Variants in ARMC8 observed in about 807,000 individuals in gnomAD.
ARMC8 encodes armadillo repeat containing 8.
In ARMC8, 20 loss-of-function variants were observed where a neutral mutation model predicts 99.3. The ratio of observed to expected loss-of-function variants is 0.20; its 90% CI spans 0.14 to 0.29. The LOEUF is 0.29. ARMC8 is among the 10% of genes least tolerant of loss of function. The probability of loss-of-function intolerance (pLI) is 1.00; values close to 1 mark genes in which losing one functional copy is unlikely to be tolerated. For synonymous variants in ARMC8, 263 were observed against 278.3 expected (o/e 0.95, Z 0.55); for missense variants, 569 against 809.5 (o/e 0.70, Z 3.60).
chr3:138,256,402 C>CTTTTTTTTTTTTTTTTTTTT (rs71146121), intron 12 of ARMC8, among the ~76,000 whole-genome samples: 4 of 90,302 alleles, frequency 4.4e-5, no homozygotes, highest in African/African-American at 1.8e-4. Context: ...TTTCCTCCTT[C>CTTTTTTTTTTTTTTTTTTTT]TTTTTTTTTT....
intron 21 of ARMC8, among the ~76,000 whole-genome samples, chr3:138,292,599 A>G (rs2051070657): frequency 6.6e-6 from 1 of 152,204 alleles, no homozygotes; most frequent in South Asian, 2.1e-4. Flanking sequence ...AGCCTGAGCA[A>G]CTGGACAGAG....
intron 21 of ARMC8, among the ~76,000 whole-genome samples, 186 bp from the exon 22 acceptor site, chr3:138,295,673 G>A (rs967085172): frequency 6.6e-6 from 1 of 152,244 alleles, no homozygotes; most frequent in African/African-American, 2.4e-5. Flanking sequence ...TATAGCCAGA[G>A]TAGATTTCAG....
At chr3:138,286,143 A>G (rs1042437927) in intron 19 of ARMC8, among the ~76,000 whole-genome samples, 8 of 152,112 alleles carry the variant, frequency 5.3e-5, no homozygotes, top group Admixed American at 3.9e-4. Flanking sequence ...GGGTTTCACC[A>G]TGTTGGCCAG....
chr3:138,250,850 T>C (rs2047089598), intron 12 of ARMC8, among the ~76,000 whole-genome samples: 1 of 152,190 alleles, frequency 6.6e-6, no homozygotes, highest in Non-Finnish European at 1.5e-5. Flanking sequence ...CTTTCTGCTG[T>C]CTCTAAAGAT....
intron 5 of ARMC8, among the ~76,000 whole-genome samples, chr3:138,225,079 C>T (rs1467770581): frequency 6.7e-6 from 1 of 150,214 alleles, no homozygotes; most frequent in African/African-American, 2.4e-5. Flanking sequence ...GCATGAGGCA[C>T]CGTGCTCAGC....
At chr3:138,224,035 T>C (rs2045551680) in intron 5 of ARMC8, among the ~76,000 whole-genome samples, 2 of 149,682 alleles carry the variant, frequency 1.3e-5, no homozygotes, top group South Asian at 4.2e-4. Flanking sequence ...CTCGGCTCAC[T>C]GCAACCTTCA....
At chr3:138,280,017 C>T (rs561712481) in intron 18 of ARMC8, among the ~76,000 whole-genome samples, 4 of 152,042 alleles carry the variant, frequency 2.6e-5, no homozygotes, top group East Asian at 3.9e-4. Flanking sequence ...CTTTCTCCTG[C>T]CTCCACCTCC....
chr3:138,202,820 TC>T (rs1159284235), intron 1 of ARMC8, among the ~76,000 whole-genome samples: 1 of 152,228 alleles, frequency 6.6e-6, no homozygotes, highest in Non-Finnish European at 1.5e-5. Context: ...TTTGGTATTT[TC>T]CTATTAGCCT....
At chr3:138,206,972 A>G (rs1311541416) in intron 1 of ARMC8, among the ~76,000 whole-genome samples, 4 of 152,230 alleles carry the variant, frequency 2.6e-5, no homozygotes, top group Non-Finnish European at 4.4e-5. Context: ...ACTTTGACCA[A>G]AAGGCAGTGT....
At chr3:138,218,474 T>TG (rs752917871) in intron 2 of ARMC8, among the ~76,000 whole-genome samples, 18 of 152,180 alleles carry the variant, frequency 1.2e-4, no homozygotes, top group Non-Finnish European at 1.9e-4. Context: ...CCCAGGAACA[T>TG]GCCATTTTCA....
At chr3:138,253,139 A>G (rs1371759707) in intron 12 of ARMC8, among the ~76,000 whole-genome samples, 1 of 152,174 alleles carries the variant, frequency 6.6e-6, no homozygotes, top group Non-Finnish European at 1.5e-5. Flanking sequence ...TTAAGCAAAT[A>G]TATTAAGCCT....
intron 10 of ARMC8, among the ~76,000 whole-genome samples, chr3:138,240,008 T>G (rs1367555686): frequency 3.9e-5 from 6 of 152,150 alleles, no homozygotes; most frequent in Non-Finnish European, 2.9e-5. Flanking sequence ...CATATACAAC[T>G]TGAATTTAGA....
Position 138,296,804 on chromosome 3 carries a change from A to T in ARMC8, c.*912A>T, listed in dbSNP as rs1334011730. 2 of 152,226 alleles carry T rather than the reference A, an allele frequency of 1.3e-5. No homozygotes were observed. The highest frequency in any genetic ancestry group is 2.9e-5 in the Non-Finnish European group (2 of 68,038). The allele number at this position is 152,226 out of a possible 1,614,324, so 9.4% of individuals were successfully genotyped here. The stretch of plus-strand genomic sequence containing the variant: ...GATAGTGAAAGCCCAGCCATGACCC[A>T]GATGGGCTTACCCTTGACAGGAACT... On this transcript the variant is annotated 3_prime_UTR_variant, in exon 22 of 22. Coordinates refer to ENST00000469044, the MANE Select transcript of ARMC8 (RefSeq NM_001363941.2).
chr3:138,188,411 G>T, intron 1 of ARMC8: 6 of 1,478,290 alleles, frequency 4.1e-6, no homozygotes, highest in Admixed American at 2.2e-5. Flanking sequence ...TTTTTTTAAA[G>T]AAAAAGACGA....
At chr3:138,251,579 G>A (rs775323301) in intron 12 of ARMC8, among the ~76,000 whole-genome samples, 7 of 152,162 alleles carry the variant, frequency 4.6e-5, no homozygotes, top group Non-Finnish European at 7.4e-5. Context: ...AGAATTTTAT[G>A]TGAACCTTGC....
intron 16 of ARMC8, 63 bp downstream of exon 16, chr3:138,270,195 A>T: frequency 8.1e-7 from 1 of 1,229,176 alleles, no homozygotes; most frequent in Non-Finnish European, 1.2e-6. Flanking sequence ...TCTAAGTTAG[A>T]ACTATAATGT....
intron 1 of ARMC8, among the ~76,000 whole-genome samples, chr3:138,207,574 A>G (rs1480392566): frequency 6.6e-6 from 1 of 152,220 alleles, no homozygotes; most frequent in East Asian, 1.9e-4. Context: ...GGTCTGAGGT[A>G]CTTAGAACTT....
chr3:138,234,204 C>T (rs2046212737), intron 6 of ARMC8, among the ~76,000 whole-genome samples: 2 of 152,020 alleles, frequency 1.3e-5, no homozygotes, highest in African/African-American at 2.4e-5. Context: ...CTCCGCCTCC[C>T]GGGTTCAAGC....
intron 2 of ARMC8, among the ~76,000 whole-genome samples, chr3:138,218,634 T>G (rs954583111): frequency 6.6e-6 from 1 of 152,236 alleles, no homozygotes; most frequent in Non-Finnish European, 1.5e-5. Context: ...CTTTACCTTA[T>G]AAACATTCAG....
Sources: allele counts gnomAD v4.1 joint callset (sites outside exome capture counted in the v4.1 genomes callset), GRCh38; gene constraint gnomAD v4.1.1; transcripts MANE v1.5; gene names NCBI Gene and HGNC (gene_info 2026-07-23, HGNC 2026-07-21).